The following FBXW7 variants were observed in gnomAD, a reference collection of about 807,000 sequenced individuals.
FBXW7 encodes F-box and WD repeat domain containing 7.
In FBXW7, 11 loss-of-function variants were observed where a neutral mutation model predicts 86.3. The observed-to-expected ratio is 0.13, with a 90% CI of 0.08 to 0.21. FBXW7 has a LOEUF of 0.21. Ranked by LOEUF, FBXW7 falls within the 10% of genes least tolerant of loss-of-function variation. FBXW7 has a pLI of 1.00. For synonymous variants in FBXW7, 313 were observed against 297.9 expected, an observed-to-expected ratio of 1.05 and a Z score of -0.52; for missense variants, 488 against 847.4, an observed-to-expected ratio of 0.58 and a Z score of 5.27.
chr4:152,332,015 T>C (rs1729608152), intron 8 of FBXW7, among the ~76,000 whole-genome samples: 1 of 152,202 alleles, frequency 6.6e-6, no homozygotes, highest in South Asian at 2.1e-4. Flanking sequence ...TGCTCTATGA[T>C]TCTTTCTAAA....
chr4:152,404,472 T>C (rs963071851), intron 4 of FBXW7, among the ~76,000 whole-genome samples: 14 of 152,198 alleles, frequency 9.2e-5, no homozygotes, highest in Non-Finnish European at 1.8e-4. Context: ...TGTAGATACA[T>C]ACACACACAC....
At chr4:152,430,396 TTTC>T (rs1739778438) in intron 2 of FBXW7, among the ~76,000 whole-genome samples, 1 of 152,172 alleles carries the variant, frequency 6.6e-6, no homozygotes. Context: ...ACTTTTTAAA[TTTC>T]TTGTGTGAAA....
At chr4:152,520,832 A>G (rs1354993743) in intron 2 of FBXW7, among the ~76,000 whole-genome samples, 17 of 152,238 alleles carry the variant, frequency 1.1e-4, no homozygotes. Flanking sequence ...AAAATATCTA[A>G]GCTACTTTAC....
chr4:152,369,879 A>G (rs1733853318), intron 4 of FBXW7, among the ~76,000 whole-genome samples: 1 of 152,012 alleles, frequency 6.6e-6, no homozygotes, highest in Non-Finnish European at 1.5e-5. Flanking sequence ...AAGAGCTTTC[A>G]TAATATAAGA....
At chr4:152,395,948 T>A (rs530151597) in intron 4 of FBXW7, among the ~76,000 whole-genome samples, 1 of 152,110 alleles carries the variant, frequency 6.6e-6, no homozygotes, top group African/African-American at 2.4e-5. Flanking sequence ...CATCTGAAAA[T>A]CTGAAATTCC....
intron 2 of FBXW7, among the ~76,000 whole-genome samples, chr4:152,418,649 A>G (rs1253255350): frequency 6.6e-6 from 1 of 152,228 alleles, no homozygotes; most frequent in Non-Finnish European, 1.5e-5. Flanking sequence ...ATTAAAGATG[A>G]GTTTTACTAA....
At chr4:152,326,616 T>C (rs1275767478) in intron 11 of FBXW7, among the ~76,000 whole-genome samples, 1 of 152,098 alleles carries the variant, frequency 6.6e-6, no homozygotes, top group Non-Finnish European at 1.5e-5. Context: ...GGCATATGTA[T>C]AAAATGTTAA....
intron 6 of FBXW7, among the ~76,000 whole-genome samples, chr4:152,345,594 C>T (rs966279944): frequency 6.6e-6 from 1 of 152,012 alleles, no homozygotes; most frequent in African/African-American, 2.4e-5. Context: ...TCTTGAGACA[C>T]TTTTGTCTCA....
chr4:152,357,917 T>G (rs1053060819), intron 4 of FBXW7, among the ~76,000 whole-genome samples: 3 of 152,140 alleles, frequency 2.0e-5, no homozygotes, highest in Admixed American at 6.6e-5. Context: ...CTCTAAAATT[T>G]ATATTGTTAC....
In FBXW7 at chr4:152,340,884, A is replaced by G. The variant is rs1178089409; in HGVS notation, c.727-2948T>C. On this transcript the variant is annotated intron_variant, in intron 6 of 13. Coordinates refer to ENST00000281708, the MANE Select transcript of FBXW7 (RefSeq NM_001349798.2). ...GTATTTCCACAGTCTTCCTCATTTC[A>G]GTAAAATAAACTCTATTTTACTAGT... 5.3e-5 allele frequency among the ~76,000 whole-genome samples: 8 copies of G among 152,286 alleles called. No homozygotes were observed. In the East Asian group the frequency reaches 1.5e-3, roughly 29 times the overall value.
chr4:152,324,476 G>T (rs1728825628), intron 12 of FBXW7, 82 bp from the exon 13 acceptor site: 7 of 1,132,616 alleles, frequency 6.2e-6, no homozygotes, highest in Non-Finnish European at 8.9e-6. Context: ...TAGGAAAGGG[G>T]GAAGAGGATG....
intron 2 of FBXW7, among the ~76,000 whole-genome samples, chr4:152,516,387 G>T (rs1748501023): frequency 6.6e-6 from 1 of 152,286 alleles, no homozygotes; most frequent in African/African-American, 2.4e-5. Context: ...AAGGCATCTA[G>T]GTTAGGTGCT....
At chr4:152,428,429 C>CATT (rs1739572552) in intron 2 of FBXW7, among the ~76,000 whole-genome samples, 1 of 152,018 alleles carries the variant, frequency 6.6e-6, no homozygotes, top group Non-Finnish European at 1.5e-5. Context: ...TATCTAAAAC[C>CATT]ATTAGCTCAC....
At chr4:152,530,470 A>G (rs1415997133) in intron 2 of FBXW7, 1 of 152,210 alleles carries the variant, frequency 6.6e-6, no homozygotes, top group East Asian at 1.9e-4. Context: ...CAAAGCCAGT[A>G]TATCACTAAA....
At chr4:152,429,515 A>G (rs1739700022) in intron 2 of FBXW7, among the ~76,000 whole-genome samples, 1 of 152,052 alleles carries the variant, frequency 6.6e-6, no homozygotes, top group African/African-American at 2.4e-5. Flanking sequence ...GATAGTCATA[A>G]TGGCATCACG....
chr4:152,511,816 A>G (rs2149715325), intron 2 of FBXW7, among the ~76,000 whole-genome samples: 1 of 152,306 alleles, frequency 6.6e-6, no homozygotes, highest in South Asian at 2.1e-4. Flanking sequence ...ATATCACTAT[A>G]TATTTGTATT....
intron 6 of FBXW7, among the ~76,000 whole-genome samples, chr4:152,345,171 A>C (rs1731135466): frequency 6.6e-6 from 1 of 152,104 alleles, no homozygotes; most frequent in South Asian, 2.1e-4. Flanking sequence ...TTCGCCTCTT[A>C]TTGACGGATA....
Position 152,411,842 on chromosome 4 carries a change from G to A in FBXW7, c.-39C>T, listed in dbSNP as rs1244329404. 1 of 1,544,526 alleles carries A rather than the reference G, an allele frequency of 6.5e-7. No individual in the cohort carries two copies. Among genetic ancestry groups the A allele is most frequent in the Non-Finnish European group, 8.7e-7 (1 of 1,145,986 alleles). ...CTTGCTACTTCTTGGACCTTGGCTA[G>A]ACTATCAGAAGATGCAAAGGTTTTC... On this transcript the variant is annotated 5_prime_UTR_variant, in exon 4 of 14. Transcript: ENST00000281708.
At chr4:152,336,716 A>G (rs1280267868) in intron 7 of FBXW7, among the ~76,000 whole-genome samples, 1 of 152,094 alleles carries the variant, frequency 6.6e-6, no homozygotes, top group Non-Finnish European at 1.5e-5. Context: ...AAAAGCACTC[A>G]GTAGAAAACA....
Sources: gnomAD v4.1 joint callset for allele counts (sites outside exome capture counted in the v4.1 genomes callset) on GRCh38, gnomAD v4.1.1 for gene constraint, MANE v1.5 for transcripts, NCBI Gene and HGNC (gene_info 2026-07-23, HGNC 2026-07-21) for gene names.